STARD8: variants seen among roughly 807,000 people sequenced by gnomAD.
The protein encoded by STARD8 is StAR related lipid transfer domain containing 8.
STARD8 carries 25 observed loss-of-function variants against 69.4 expected under a neutral mutation model. The ratio of observed to expected loss-of-function variants is 0.36; its 90% confidence interval spans 0.26 to 0.50. STARD8 has a LOEUF of 0.50. STARD8 is among the 20% of genes least tolerant of loss of function. STARD8 has a pLI of 0.96. For missense variants in STARD8, 921 were observed against 932.5 expected (o/e 0.99, Z 0.16); for synonymous variants, 389 against 374.6 (o/e 1.04, Z -0.45).
intron 2 of STARD8, among the ~76,000 whole-genome samples, chrX:68,683,941 G>A (rs1337629214): frequency 8.9e-6 from 1 of 112,260 alleles, no homozygotes; most frequent in Non-Finnish European, 1.9e-5. Context: ...CCACTTATGA[G>A]CAATTTGGAT....
chrX:68,654,926 A>G (rs1344821521), intron 1 of STARD8, among the ~76,000 whole-genome samples: 2 of 112,104 alleles, frequency 1.8e-5, no homozygotes, highest in Non-Finnish European at 3.8e-5. Context: ...AGCCTCCAGG[A>G]TGTCTCTCCT....
intron 2 of STARD8, among the ~76,000 whole-genome samples, chrX:68,683,232 C>CT (rs35503599): frequency 0.17 from 19,142 of 111,604 alleles, 2,882 homozygotes; most frequent in African/African-American, 0.5. Context: ...AAGAGAAACT[C>CT]CATGTGGCCT....
rs776342172 is a variant in STARD8 at position 68,723,648 on chromosome X, G to A, written c.2822G>A (p.Arg941Gln). The A allele has an allele frequency of 3.4e-5, 41 of 1,195,675 alleles. No individual in the cohort carries two copies. Among genetic ancestry groups the A allele is most frequent in the Admixed American group, 6.7e-5 (3 of 44,469 alleles). The stretch of plus-strand genomic sequence containing the variant: ...CAGGCACCGGATGGGCACCCCCTGC[G>A]GCTATGGAAGGCATCCACAGAGGTG... ...CRKAPDGHPL[R>Q]LWKASTEVAA... The change falls in exon 13 of 15, where the codon CGG (arginine) becomes CAG (glutamine). Residue 941 changes from arginine (R) to glutamine (Q), a missense_variant. By Grantham distance (43) the Arg-to-Gln change is conservative. Transcript: ENST00000374599.
At chrX:68,722,026 A>G in intron 10 of STARD8, 21 bp from the exon 11 acceptor site, 1 of 1,164,575 alleles carries the variant, frequency 8.6e-7, no homozygotes, top group Non-Finnish European at 1.2e-6. Flanking sequence ...CTCTCCTCTC[A>G]CCACCTCCTG....
At chrX:68,693,501 C>A (rs1176697528) in intron 2 of STARD8, 1 of 299,243 alleles carries the variant, frequency 3.3e-6, no homozygotes, top group Non-Finnish European at 4.5e-6. Context: ...CCTTGGAGGA[C>A]CTGCAGGCAG....
chrX:68,724,185 C>A (rs1218042053), intron 14 of STARD8, 64 bp downstream of exon 14: 2 of 1,175,542 alleles, frequency 1.7e-6, no homozygotes, highest in East Asian at 6.0e-5. Context: ...GCCTCTGCCC[C>A]TACTTTCTGC....
At chrX:68,689,198 C>T (rs2147899803) in intron 2 of STARD8, among the ~76,000 whole-genome samples, 1 of 105,572 alleles carries the variant, frequency 9.5e-6, no homozygotes, top group East Asian at 3.0e-4. Context: ...GGTGGACATC[C>T]TGCTCTGGGC....
chrX:68,684,168 G>A (rs1386963429), intron 2 of STARD8, among the ~76,000 whole-genome samples: 3 of 112,614 alleles, frequency 2.7e-5, no homozygotes, highest in African/African-American at 9.7e-5. Flanking sequence ...TTATCTGGAG[G>A]AGAAACTTGA....
chrX:68,715,935 A>G (rs2080088236), intron 4 of STARD8, among the ~76,000 whole-genome samples: 1 of 112,328 alleles, frequency 8.9e-6, no homozygotes, highest in African/African-American at 3.2e-5. Flanking sequence ...CCTTAGCCCC[A>G]TTGGTCTCAT....
intron 2 of STARD8, among the ~76,000 whole-genome samples, chrX:68,685,356 C>G (rs151043332): frequency 8.9e-6 from 1 of 111,802 alleles, no homozygotes; most frequent in African/African-American, 3.3e-5. Context: ...TGGCCACCAA[C>G]AGAAGTAGAA....
chrX:68,668,110 T>TTTCTTTCTTTCTTTC (rs1157538170), intron 2 of STARD8, among the ~76,000 whole-genome samples: 1 of 101,959 alleles, frequency 9.8e-6, no homozygotes, highest in Non-Finnish European at 2.0e-5. Flanking sequence ...TCTTTCTTTC[T>TTTCTTTCTTTCTTTC]TTCTGTCTTT....
At chrX:68,687,208 G>T (rs2079839688) in intron 2 of STARD8, among the ~76,000 whole-genome samples, 1 of 110,410 alleles carries the variant, frequency 9.1e-6, no homozygotes, top group Non-Finnish European at 1.9e-5. Context: ...TACCCCAGGT[G>T]CAGGACACAG....
At position 68,725,555 on chromosome X, in the gene STARD8, A is replaced by AAT. The variant is rs771897636; in HGVS notation, c.*1156_*1157dup. 4,434 of 93,288 alleles carry AAT rather than the reference A, an allele frequency of 0.048. 85 individuals carry two copies. The highest frequency in any genetic ancestry group is 0.085 in the Middle Eastern group (15 of 176). The allele number at this position is 93,288 out of a possible 1,213,427, so 7.7% of individuals were successfully genotyped here. A position where few individuals can be genotyped will look rare whatever the true frequency, so the allele number is the denominator to read the frequency against. ...TTGTACCTGTAAATACTGTACAGCT[A>AAT]ATATATATATATATATATATATATG... On this transcript the variant is annotated 3_prime_UTR_variant, in exon 15 of 15. Coordinates refer to ENST00000374599, the MANE Select transcript of STARD8 (RefSeq NM_001142503.3).
intron 2 of STARD8, among the ~76,000 whole-genome samples, chrX:68,674,546 C>T (rs2079751904): frequency 9.0e-6 from 1 of 110,958 alleles, no homozygotes; most frequent in African/African-American, 3.3e-5. Flanking sequence ...GAAACAGAGC[C>T]AGCCACAGAG....
chrX:68,661,008 C>T (rs951807926), intron 1 of STARD8, among the ~76,000 whole-genome samples: 1 of 111,641 alleles, frequency 9.0e-6, no homozygotes, highest in Non-Finnish European at 1.9e-5. Flanking sequence ...TGACTGTGGT[C>T]CTAGGCCTGG....
At chrX:68,673,543 A>AAAC (rs746104369) in intron 2 of STARD8, among the ~76,000 whole-genome samples, 309 of 111,872 alleles carry the variant, frequency 2.8e-3, no homozygotes, top group Middle Eastern at 0.019. Context: ...CTTTTACCAA[A>AAAC]AACAACAACA....
At chrX:68,674,198 G>A (rs2079748804) in intron 2 of STARD8, among the ~76,000 whole-genome samples, 1 of 108,898 alleles carries the variant, frequency 9.2e-6, no homozygotes, top group South Asian at 4.1e-4. Context: ...GGAGGCTGAG[G>A]CGGGAGAATC....
intron 2 of STARD8, among the ~76,000 whole-genome samples, chrX:68,672,908 G>T (rs1215427411): frequency 9.0e-6 from 1 of 111,715 alleles, no homozygotes. Flanking sequence ...TTCCAACTCT[G>T]TGTTCATTTG....
At chrX:68,713,754 A>C (rs1005173662) in intron 3 of STARD8, among the ~76,000 whole-genome samples, 2 of 111,528 alleles carry the variant, frequency 1.8e-5, no homozygotes, top group African/African-American at 6.5e-5. Context: ...TTCTCATGAG[A>C]TCTTTGTCTA....
Sources: allele counts gnomAD v4.1 joint callset (sites outside exome capture counted in the v4.1 genomes callset), GRCh38; gene constraint gnomAD v4.1.1; transcripts MANE v1.5; gene names NCBI Gene and HGNC (gene_info 2026-07-23, HGNC 2026-07-21).